The following PLA2G2D variants were observed in gnomAD, a reference collection of about 807,000 sequenced individuals.
PLA2G2D encodes the protein phospholipase A2 group IID.
In PLA2G2D, 17 loss-of-function variants were observed where a neutral mutation model predicts 13.9. That is an observed-to-expected ratio of 1.23 (90% confidence interval 0.84 to 1.84). The LOEUF (loss-of-function observed/expected upper bound fraction) is 1.84. Among genes scored for constraint, PLA2G2D ranks in the 40% most tolerant of loss-of-function variants. The probability of loss-of-function intolerance (pLI) is 0.00; values close to 1 mark genes in which losing one functional copy is unlikely to be tolerated. For synonymous variants in PLA2G2D, 83 were observed against 69.3 expected (o/e 1.20, Z -0.98); for missense variants, 194 against 178.7 (o/e 1.09, Z -0.49).
At position 20,115,422 on chromosome 1, in the gene PLA2G2D, T is replaced by C. The variant is rs138369240; in HGVS notation, c.292+85A>G. 8.8e-4 allele frequency: 700 copies of C among 798,166 alleles called. 5 individuals are homozygous for C. In the African/African-American group the frequency reaches 0.011, roughly 12 times the overall value. 49.4% of individuals were successfully genotyped at this position (798,166 alleles called of 1,614,324 possible). A position where few individuals can be genotyped will look rare whatever the true frequency, so the allele number is the denominator to read the frequency against. On this transcript the variant is annotated intron_variant, in intron 3 of 3. Transcript: ENST00000375105. ...CCCATGCAAAAAAAAAACAGAGAGG[T>C]CAAGTAGCTGTGCTGTGAAGGCAGT...
In PLA2G2D at chr1:20,116,423, A is replaced by C. The variant is rs377401247; in HGVS notation, c.95T>G (p.Val32Gly). Residue 32 changes from valine (V) to glycine (G), a missense_variant, in exon 2 of 4, where the codon GTG becomes GGG. Val to Gly is a moderately radical substitution (Grantham distance 109). Coordinates refer to ENST00000375105, the MANE Select transcript of PLA2G2D (RefSeq NM_012400.4). ...GGAGAGGATGGGCATTTTCCCAGTC[A>C]CTTGCTTGACCATCTTGTTCAGGTT... Reference protein sequence around the residue: ...ILNLNKMVKQVTGKMPILSYW... With the variant: ...ILNLNKMVKQGTGKMPILSYW... 1.7e-5 allele frequency: 28 copies of C among 1,614,010 alleles called. No individual in the cohort carries two copies. Among genetic ancestry groups the C allele is most frequent in the Non-Finnish European group, 2.3e-5 (27 of 1,180,000 alleles).
chr1:20,119,443 C>G lies in PLA2G2D; in HGVS notation c.40+16G>C. 6.2e-7 allele frequency: 1 copy of G among 1,611,528 alleles called. No individual in the cohort carries two copies. The highest frequency in any genetic ancestry group is 8.5e-7 in the Non-Finnish European group (1 of 1,177,756). ...CCCTCCTTCCCTTCCCAGCCTGGGT[C>G]CCGTCCCCGACTCACCAGCCATCAC... On this transcript the variant is annotated intron_variant, in intron 1 of 3. Coordinates refer to ENST00000375105, the MANE Select transcript of PLA2G2D (RefSeq NM_012400.4).
At position 20,116,420 on chromosome 1, in the gene PLA2G2D, G is replaced by A; in HGVS notation, c.98C>T (p.Thr33Ile). 1 of 1,614,160 alleles carries A rather than the reference G, an allele frequency of 6.2e-7. No homozygotes were observed. The highest frequency in any genetic ancestry group is 1.1e-5 in the South Asian group (1 of 91,074). ...LNLNKMVKQV[T>I]GKMPILSYWP... ...GTAGGAGAGGATGGGCATTTTCCCA[G>A]TCACTTGCTTGACCATCTTGTTCAG... Residue 33 changes from threonine to isoleucine, a missense_variant, in exon 2 of 4, where the codon ACT (threonine) becomes ATT (isoleucine). Thr to Ile is a moderately conservative substitution (Grantham distance 89). Coordinates refer to ENST00000375105, the MANE Select transcript of PLA2G2D (RefSeq NM_012400.4).
At chr1:20,116,037 G>A (rs1381768464) in intron 2 of PLA2G2D, among the ~76,000 whole-genome samples, 1 of 151,608 alleles carries the variant, frequency 6.6e-6, no homozygotes, top group Admixed American at 6.6e-5. Context: ...AAAAAGAGGT[G>A]GTGAGGGGGC....
rs1416581994 is a variant in PLA2G2D at position 20,116,333 on chromosome 1, C to A, written c.185G>T (p.Trp62Leu). ...TTGCCAGCCCTGAGAAAGGAGTTAC[C>A]AGTCCGTGGCATCTTTGGGTTGGCC... ...GRGQPKDATDWCCQTHDCCYD... is the reference protein window; with the variant it reads ...GRGQPKDATDLCCQTHDCCYD... Residue 62 changes from tryptophan to leucine, a missense_variant and splice_region_variant, in exon 2 of 4, where the codon TGG (tryptophan) becomes TTG (leucine). By Grantham distance (61) the Trp-to-Leu change is moderately conservative. Coordinates refer to ENST00000375105, the MANE Select transcript of PLA2G2D (RefSeq NM_012400.4). 2 of 1,614,124 alleles carry A rather than the reference C, an allele frequency of 1.2e-6. No homozygotes were observed. The highest frequency in any genetic ancestry group is 1.7e-5 in the Admixed American group (1 of 60,024).
Position 20,113,863 on chromosome 1 carries a change from C to T in PLA2G2D, c.*251G>A. ...CCCCACCCCGATGCTTTGGTCCAAA[C>T]ACCACCTCTGAGGGCTCCCTTGCTT... On this transcript the variant is annotated 3_prime_UTR_variant, in exon 4 of 4. Coordinates refer to ENST00000375105, the MANE Select transcript of PLA2G2D (RefSeq NM_012400.4). 1 of 414,440 alleles carries T rather than the reference C, an allele frequency of 2.4e-6. No homozygotes were observed. The highest frequency in any genetic ancestry group is 5.6e-5 in the South Asian group (1 of 17,910). 25.7% of individuals were successfully genotyped at this position (414,440 alleles called of 1,614,324 possible). A position where few individuals can be genotyped will look rare whatever the true frequency, so the allele number is the denominator to read the frequency against.
At chr1:20,115,676 C>G (rs1183214776) in intron 2 of PLA2G2D, 63 bp from the exon 3 acceptor site, 2 of 1,045,374 alleles carry the variant, frequency 1.9e-6, no homozygotes, top group Non-Finnish European at 3.0e-6. Context: ...TGGCTGCTCC[C>G]CCTACTGGAG....
rs376407732 is a variant in PLA2G2D at position 20,115,524 on chromosome 1, T to C, written c.275A>G (p.Gln92Arg). 7.5e-6 allele frequency: 12 copies of C among 1,602,294 alleles called. No homozygotes were observed. The highest frequency in any genetic ancestry group is 8.6e-6 in the Non-Finnish European group (10 of 1,169,546). Reference sequence around the variant, plus strand: ...GTACTCACAGCAGTGGATGTTCCCCTGGGAAAAGTTGTATCTGTAATAGTC... The same window carrying C: ...GTACTCACAGCAGTGGATGTTCCCCCGGGAAAAGTTGTATCTGTAATAGTC... The part of the protein sequence containing the change: ...YKDYYRYNFS[Q>R]GNIHCSDKGS... The change falls in exon 3 of 4, where the codon CAG becomes CGG. Residue 92 changes from glutamine to arginine, a missense_variant. Coordinates refer to ENST00000375105, the MANE Select transcript of PLA2G2D (RefSeq NM_012400.4).
rs151337205 is a variant in PLA2G2D, at chr1:20,117,504, T to A, written c.41-1027A>T. ...ATAATTTTATTTCACTCATAATAAC[T>A]GCTGATTAGAATTGATAGTAAGGGG... is the stretch of plus-strand genomic sequence containing the variant. On this transcript the variant is annotated intron_variant, in intron 1 of 3. Coordinates refer to ENST00000375105, the MANE Select transcript of PLA2G2D (RefSeq NM_012400.4). Among the ~76,000 whole-genome samples, 197 of 152,308 alleles carry A rather than the reference T, an allele frequency of 1.3e-3. 5 individuals carry two copies. Among genetic ancestry groups the A allele is most frequent in the African/African-American group, 4.4e-3 (183 of 41,556 alleles).
chr1:20,116,757 G>T (rs1250119363), intron 1 of PLA2G2D, among the ~76,000 whole-genome samples: 3 of 152,154 alleles, frequency 2.0e-5, no homozygotes, highest in African/African-American at 7.2e-5. Context: ...AAGGTGGGCA[G>T]ATTGCTTGAA....
chr1:20,113,551 AG>A lies in PLA2G2D; in HGVS notation c.*562del, dbSNP rs2100672537. The A allele has an allele frequency of 6.6e-6, 1 of 152,310 alleles. No individual in the cohort carries two copies. Among genetic ancestry groups the A allele is most frequent in the African/African-American group, 2.4e-5 (1 of 41,540 alleles). 9.4% of individuals were successfully genotyped at this position (152,310 alleles called of 1,614,324 possible). ...TGGTTCTGGTGTTGCTTTGGGCACC[AG>A]GGATGCAACTGAGTTTAAGACAGGC... On this transcript the variant is annotated 3_prime_UTR_variant, in exon 4 of 4. Transcript: ENST00000375105.
In PLA2G2D at chr1:20,114,204, G is replaced by T. The variant is rs763674418; in HGVS notation, c.348C>A (p.Ala116=). The T allele has an allele frequency of 1.2e-6, 2 of 1,614,038 alleles. No individual in the cohort carries two copies. ...TGTCCAGGTTGCGCTTCAGGCAGAA[G>T]GCCACCTCCTTGTCACAGGCACACA... The part of the protein sequence containing the change: ...QQLCACDKEV[A]FCLKRNLDTY... The change falls in exon 4 of 4, where the codon GCC becomes GCA. Residue 116 remains alanine (A), a synonymous_variant. Transcript: ENST00000375105.
rs62541901 is a variant in PLA2G2D, at chr1:20,114,190, C to A, written c.362G>T (p.Arg121Leu). 1 of 1,613,982 alleles carries A rather than the reference C, an allele frequency of 6.2e-7. No homozygotes were observed. The highest frequency in any genetic ancestry group is 8.5e-7 in the Non-Finnish European group (1 of 1,179,924). ...TCGCTTCTGGTAGGTGTCCAGGTTGCGCTTCAGGCAGAAGGCCACCTCCTT... is the reference window on the plus strand; with the variant it reads ...TCGCTTCTGGTAGGTGTCCAGGTTGAGCTTCAGGCAGAAGGCCACCTCCTT... ...CDKEVAFCLK[R>L]NLDTYQKRLR... Residue 121 changes from arginine to leucine, a missense_variant, in exon 4 of 4, where the codon CGC (arginine) becomes CTC (leucine). Arg to Leu is a moderately radical substitution (Grantham distance 102). Transcript: ENST00000375105.
chr1:20,114,229 A>AGCT lies in PLA2G2D; in HGVS notation c.320_322dup (p.Gln107dup). On this transcript the variant is annotated inframe_insertion, in exon 4 of 4. Transcript: ENST00000375105. ...GGCCACCTCCTTGTCACAGGCACAC[A>AGCT]GCTGCTGCTCACACCAGCTTCCCTT... 6.2e-7 allele frequency: 1 copy of AGCT among 1,614,088 alleles called. No individual in the cohort carries two copies. Among genetic ancestry groups the AGCT allele is most frequent in the Non-Finnish European group, 8.5e-7 (1 of 1,179,964 alleles).
At chr1:20,119,405 G>T (rs1026594222) in intron 1 of PLA2G2D, 54 bp downstream of exon 1, 8 of 1,460,356 alleles carry the variant, frequency 5.5e-6, no homozygotes, top group Admixed American at 3.3e-5. Flanking sequence ...AGAGCACAGG[G>T]GTACACTGGC....
chr1:20,118,876 G>A (rs1569874004), intron 1 of PLA2G2D, among the ~76,000 whole-genome samples: 1 of 152,128 alleles, frequency 6.6e-6, no homozygotes, highest in Non-Finnish European at 1.5e-5. Flanking sequence ...GAATTTCAGA[G>A]TCCCAAGATA....
At chr1:20,118,648 T>C (rs1188236634) in intron 1 of PLA2G2D, among the ~76,000 whole-genome samples, 1 of 152,150 alleles carries the variant, frequency 6.6e-6, no homozygotes, top group East Asian at 1.9e-4. Flanking sequence ...GTGAAGGGGG[T>C]TGTACCCATT....
chr1:20,117,805 C>T (rs915855308), intron 1 of PLA2G2D, among the ~76,000 whole-genome samples: 4 of 152,062 alleles, frequency 2.6e-5, no homozygotes, highest in African/African-American at 9.7e-5. Flanking sequence ...GTCAATAGTA[C>T]ACAGTGGGTG....
At chr1:20,115,168 G>A (rs946052530) in intron 3 of PLA2G2D, among the ~76,000 whole-genome samples, 3 of 152,196 alleles carry the variant, frequency 2.0e-5, no homozygotes. Context: ...ATTATGGCAG[G>A]CATCCTGTGA....
Sources: allele counts gnomAD v4.1 joint callset (sites outside exome capture counted in the v4.1 genomes callset), GRCh38; gene constraint gnomAD v4.1.1; transcripts MANE v1.5; gene names NCBI Gene and HGNC (gene_info 2026-07-23, HGNC 2026-07-21).